Variants in MPC1 observed in about 807,000 individuals in gnomAD.
MPC1 encodes the protein HSPC040 protein.
In MPC1, 6 loss-of-function variants were observed where a neutral mutation model predicts 13.9. The ratio of observed to expected loss-of-function variants is 0.43; its 90% CI spans 0.24 to 0.85. The LOEUF (loss-of-function observed/expected upper bound fraction) is 0.85, where lower values mean the gene tolerates loss of function less well. Ranked by LOEUF, MPC1 falls within the 40% of genes least tolerant of loss-of-function variation. The pLI, the probability that MPC1 is intolerant of heterozygous loss-of-function variation, is 0.24. For synonymous variants in MPC1, 47 were observed against 50.5 expected (o/e 0.93, Z 0.29); for missense variants, 115 against 143.3 (o/e 0.80, Z 1.01).
intron 2 of MPC1, among the ~76,000 whole-genome samples, chr6:166,368,557 GAA>G (rs11370568): frequency 6.1e-5 from 7 of 114,266 alleles, no homozygotes; most frequent in African/African-American, 1.7e-4. Flanking sequence ...CCGTCTCAGG[GAA>G]AAAAAAAAAA....
intron 1 of MPC1, among the ~76,000 whole-genome samples, chr6:166,379,786 G>T (rs1156932836): frequency 6.6e-6 from 1 of 152,198 alleles, no homozygotes; most frequent in Non-Finnish European, 1.5e-5. Flanking sequence ...GAAGAAAAGA[G>T]ATACAATGAC....
chr6:166,380,373 G>A (rs767498035), intron 1 of MPC1, among the ~76,000 whole-genome samples: 5 of 152,180 alleles, frequency 3.3e-5, no homozygotes, highest in Non-Finnish European at 7.3e-5. Flanking sequence ...CTGAATCTTA[G>A]TGTGGTGCTC....
intron 1 of MPC1, among the ~76,000 whole-genome samples, chr6:166,380,056 C>T (rs1466878862): frequency 1.3e-5 from 2 of 152,216 alleles, no homozygotes; most frequent in Admixed American, 1.3e-4. Flanking sequence ...AACAGATCAG[C>T]TGAATGTTTC....
chr6:166,368,725 C>G, intron 2 of MPC1: 1 of 980,724 alleles, frequency 1.0e-6, no homozygotes, highest in Non-Finnish European at 1.2e-6. Flanking sequence ...TCTCCCTTAC[C>G]TACTTACTTC....
chr6:166,364,975 A>G lies in MPC1; in HGVS notation c.*454T>C. ...TAAGTTACAGCATCTCAATATATACACTGCATGGAAATACACAGGTAACAT... is the reference window on the plus strand; with the variant it reads ...TAAGTTACAGCATCTCAATATATACGCTGCATGGAAATACACAGGTAACAT... On this transcript the variant is annotated 3_prime_UTR_variant, in exon 5 of 5. Coordinates refer to ENST00000360961, the MANE Select transcript of MPC1 (RefSeq NM_016098.4). 1 of 154,318 alleles carries G rather than the reference A, an allele frequency of 6.5e-6. No individual in the cohort carries two copies. The highest frequency in any genetic ancestry group is 1.4e-5 in the Non-Finnish European group (1 of 69,234). The allele number at this position is 154,318 out of a possible 1,614,324, so 9.6% of individuals were successfully genotyped here.
In MPC1 at chr6:166,368,654, C is replaced by T. The variant is rs141464508; in HGVS notation, c.75+1564G>A. On this transcript the variant is annotated intron_variant, in intron 2 of 4. Transcript: ENST00000360961. ...ACCCTTAATTTCTTACATTTAGATG[C>T]AATATGGCCAGTTTTCTTTTTTCCT... is the stretch of plus-strand genomic sequence containing the variant. 1.1e-3 allele frequency: 547 copies of T among 508,702 alleles called. 4 individuals are homozygous for T. The African/African-American group carries it at 0.011, about 10-fold the overall frequency. The allele number at this position is 508,702 out of a possible 1,614,324, so 31.5% of individuals were successfully genotyped here.
At position 166,382,335 on chromosome 6, in the gene MPC1, T is replaced by C. The variant is rs557979316; in HGVS notation, c.71+471A>G. Among the ~76,000 whole-genome samples, 9 of 150,564 alleles carry C rather than the reference T, an allele frequency of 6.0e-5. No individual in the cohort carries two copies. In the East Asian group the frequency reaches 1.8e-3, roughly 30 times the overall value. On this transcript the variant is annotated intron_variant, in intron 1 of 4. Transcript: ENST00000360961. ...CACTCTGGCCGGGAAGGGCGTCCAC[T>C]GTTATGCCTACCAGGAGAGGCGTCC...
chr6:166,380,796 T>C (rs1428895480), intron 1 of MPC1, among the ~76,000 whole-genome samples: 1 of 151,548 alleles, frequency 6.6e-6, no homozygotes, highest in Non-Finnish European at 1.5e-5. Context: ...AAAATTAGCC[T>C]GGCGTGGTGG....
chr6:166,379,020 T>C (rs909925155), intron 1 of MPC1, among the ~76,000 whole-genome samples: 2 of 152,202 alleles, frequency 1.3e-5, no homozygotes, highest in Non-Finnish European at 2.9e-5. Flanking sequence ...AATAATTATT[T>C]AATATTATTT....
intron 2 of MPC1, chr6:166,368,783 C>CT (rs1367146021): frequency 1.3e-5 from 13 of 985,240 alleles, no homozygotes; most frequent in Non-Finnish European, 1.6e-5. Context: ...TTTCAACTCT[C>CT]TATTATTCCA....
rs995343627 is a variant in MPC1 at position 166,382,877 on chromosome 6, G to A, written c.-1C>T. On this transcript the variant is annotated 5_prime_UTR_variant, in exon 1 of 5. Coordinates refer to ENST00000360961, the MANE Select transcript of MPC1 (RefSeq NM_016098.4). Reference sequence around the variant, plus strand: ...CTTTCCGCACCAACGCGCCCGCCATGGCTGTGCCGACACCAGACCCCGAGT... The same window carrying A: ...CTTTCCGCACCAACGCGCCCGCCATAGCTGTGCCGACACCAGACCCCGAGT... 6.3e-7 allele frequency: 1 copy of A among 1,598,426 alleles called. No individual in the cohort carries two copies. Among genetic ancestry groups the A allele is most frequent in the Admixed American group, 1.7e-5 (1 of 58,792 alleles).
chr6:166,370,257 C>T (rs760037479), intron 1 of MPC1, 36 bp from the exon 2 acceptor site: 9 of 738,134 alleles, frequency 1.2e-5, no homozygotes, highest in South Asian at 1.2e-4. Flanking sequence ...TCAGACAGGA[C>T]AGACATGGAA....
chr6:166,376,474 T>C (rs1779573667), intron 1 of MPC1, among the ~76,000 whole-genome samples: 4 of 152,326 alleles, frequency 2.6e-5, no homozygotes, highest in Middle Eastern at 3.4e-3. Context: ...CTTCTCTACC[T>C]TTCTGTTCTA....
In MPC1 at chr6:166,365,365, A is replaced by C; in HGVS notation, c.*64T>G. 1 of 1,375,956 alleles carries C rather than the reference A, an allele frequency of 7.3e-7. No individual in the cohort carries two copies. The highest frequency in any genetic ancestry group is 9.7e-7 in the Non-Finnish European group (1 of 1,034,622). The allele number at this position is 1,375,956 out of a possible 1,614,324, so 85.2% of individuals were successfully genotyped here. Reference sequence around the variant, plus strand: ...CCTTAGGGAGGCTATTTATAATGAAATCTGTGACTCAGCAGCAGCTGGCAA... The same window carrying C: ...CCTTAGGGAGGCTATTTATAATGAACTCTGTGACTCAGCAGCAGCTGGCAA... On this transcript the variant is annotated 3_prime_UTR_variant, in exon 5 of 5. Transcript: ENST00000360961. The surrounding 1 kb of genome is among the most constrained non-coding windows in gnomAD (Gnocchi z 4.2).
At chr6:166,378,243 C>G (rs1779639766) in intron 1 of MPC1, among the ~76,000 whole-genome samples, 2 of 152,124 alleles carry the variant, frequency 1.3e-5, no homozygotes, top group African/African-American at 4.8e-5. Flanking sequence ...GAAAGCTTTC[C>G]TGGAGACTCA....
chr6:166,370,714 T>A (rs1473504813), intron 1 of MPC1, among the ~76,000 whole-genome samples: 1 of 152,022 alleles, frequency 6.6e-6, no homozygotes, highest in Non-Finnish European at 1.5e-5. Context: ...AAAAATTAGC[T>A]GGGCATGGGT....
chr6:166,382,535 T>A (rs1304834703), intron 1 of MPC1, among the ~76,000 whole-genome samples: 1 of 146,904 alleles, frequency 6.8e-6, no homozygotes, highest in African/African-American at 2.5e-5. Context: ...ACACCCACTG[T>A]CACCCCCGCC....
In MPC1 at chr6:166,365,557, TC is replaced by T. The variant is rs1412531315; in HGVS notation, c.306-105del. On this transcript the variant is annotated intron_variant, in intron 4 of 4. Transcript: ENST00000360961. This position sits in a 1 kb window ranked among gnomAD's most constrained non-coding sequence, Gnocchi z 4.2. ...AAGACACCTTTACATAACATTTATT[TC>T]AACTTACAACTTATAAAAACAATAA... 2.2e-6 allele frequency: 2 copies of T among 910,222 alleles called. No individual in the cohort carries two copies. Among genetic ancestry groups the T allele is most frequent in the East Asian group, 5.7e-5 (2 of 35,352 alleles). The allele number at this position is 910,222 out of a possible 1,614,324, so 56.4% of individuals were successfully genotyped here.
rs1334406917 is a variant in MPC1, at chr6:166,382,833, C to T, written c.44G>A (p.Ser15Asn). The change falls in exon 1 of 5, where the codon AGC (serine) becomes AAC (asparagine). Residue 15 changes from serine (S) to asparagine (N), a missense_variant. Around this residue, in one of 3 missense-constraint regions of MPC1, gnomAD observed 41 missense variants for 34.2 expected, o/e 1.20. Transcript: ENST00000360961. ...LVRKAADYVR[S>N]KDFRDYLMST... is the part of the protein sequence containing the mutation. ...CATGAGGTAGTCCCGGAAATCCTTG[C>T]TTCGGACATAGTCCGCCGCTTTCCG... The T allele has an allele frequency of 1.3e-6, 2 of 1,597,966 alleles. No homozygotes were observed.
Sources: gnomAD v4.1 joint callset for allele counts (sites outside exome capture counted in the v4.1 genomes callset) on GRCh38, gnomAD v4.1.1 for gene constraint, gnomAD v4.1.1 regional missense constraint, Gnocchi (gnomAD v3.1) non-coding constraint, MANE v1.5 for transcripts, NCBI Gene and HGNC (gene_info 2026-07-23, HGNC 2026-07-21) for gene names.